LYAR: variants seen among roughly 807,000 people sequenced by gnomAD.
LYAR encodes the protein Ly1 antibody reactive.
A neutral mutation model predicts 45.2 loss-of-function variants in LYAR; 37 were observed. The observed-to-expected ratio is 0.82, with a 90% CI of 0.63 to 1.08. The LOEUF is 1.08. Ranked by LOEUF, LYAR falls within the 50% of genes least tolerant of loss-of-function variation. LYAR has a pLI of 0.00. For synonymous variants in LYAR, 176 were observed against 155.1 expected, an observed-to-expected ratio of 1.14 and a Z score of -1.00; for missense variants, 493 against 451.0, an observed-to-expected ratio of 1.09 and a Z score of -0.84.
intron 4 of LYAR, among the ~76,000 whole-genome samples, chr4:4,280,936 C>T (rs1303156737): frequency 1.3e-5 from 2 of 152,188 alleles, no homozygotes; most frequent in East Asian, 1.9e-4. Context: ...TTTCTGAATC[C>T]TTCCTCCTGC....
rs71597703 is a variant in LYAR at position 4,283,084 on chromosome 4, A to T, written c.122+537T>A. Among the ~76,000 whole-genome samples the T allele has an allele frequency of 2.1e-3, 326 of 152,256 alleles. 2 individuals are homozygous for T. The highest frequency in any genetic ancestry group is 3.4e-3 in the Middle Eastern group (1 of 294). On this transcript the variant is annotated intron_variant, in intron 3 of 9. Transcript: ENST00000343470. ...CACCAACTGACTGAACACTCTAATC[A>T]TCATAATTCCCCTTCCCCTAGTCTT... is the stretch of plus-strand genomic sequence containing the variant.
At position 4,281,797 on chromosome 4, in the gene LYAR, G is replaced by A; in HGVS notation, c.223C>T (p.Gln75Ter). Reference protein sequence around the residue: ...GKTHKGDIKQQAWIQKISELI... With the variant: ...GKTHKGDIKQ ...AGAGACGTTACCTGAATCCACGCCT[G>A]CTGTTTGATGTCGCCTTTGTGGGTT... Residue 75 changes from glutamine to a stop codon, truncating the protein, a stop_gained, in exon 4 of 10, where the codon CAG becomes TAG. Transcript: ENST00000343470. LOFTEE classifies it high-confidence loss of function. 3 of 1,613,678 alleles carry A rather than the reference G, an allele frequency of 1.9e-6. No individual in the cohort carries two copies. The highest frequency in any genetic ancestry group is 2.5e-6 in the Non-Finnish European group (3 of 1,179,564).
At chr4:4,285,528 T>C (rs947975226) in intron 2 of LYAR, among the ~76,000 whole-genome samples, 14 of 152,302 alleles carry the variant, frequency 9.2e-5, no homozygotes, top group African/African-American at 3.4e-4. Context: ...TCAAAGAGCA[T>C]GGAGGTGCAC....
chr4:4,274,284 C>T (rs536340861), intron 7 of LYAR, 83 bp downstream of exon 7: 1 of 1,444,134 alleles, frequency 6.9e-7, no homozygotes, highest in South Asian at 1.4e-5. Context: ...ACACAAAACG[C>T]TAGGTCTAAC....
rs116638773 is a variant in LYAR at position 4,271,326 on chromosome 4, G to A, written c.919+2257C>T. Among the ~76,000 whole-genome samples the A allele has an allele frequency of 4.8e-3, 729 of 152,194 alleles. 5 individuals are homozygous for A. Among genetic ancestry groups the A allele is most frequent in the African/African-American group, 0.016 (669 of 41,536 alleles). The stretch of plus-strand genomic sequence containing the variant: ...CATAATGACTTCCAGTTCCATCCAC[G>A]TTGCTGCAAACGACAGGATCTCATT... On this transcript the variant is annotated intron_variant, in intron 8 of 9. Coordinates refer to ENST00000343470, the MANE Select transcript of LYAR (RefSeq NM_017816.3).
At position 4,273,682 on chromosome 4, in the gene LYAR, A is replaced by G. The variant is rs755970453; in HGVS notation, c.833-13T>C. On this transcript the variant is annotated splice_polypyrimidine_tract_variant and intron_variant, in intron 7 of 9. Transcript: ENST00000343470. ...GAATCTGTTTCAACTAAGTATTTGG[A>G]AAGATTTTTTTTAAAGAAGATTTTG... 2 of 1,561,704 alleles carry G rather than the reference A, an allele frequency of 1.3e-6. No individual in the cohort carries two copies. The highest frequency in any genetic ancestry group is 2.2e-5 in the East Asian group (1 of 44,612).
At position 4,283,811 on chromosome 4, in the gene LYAR, C is replaced by G. The variant is rs1054713118; in HGVS notation, c.-53-16G>C. ...AAGTCTTGTCCTAAGGAAAAAAAGA[C>G]AATTATAATTATAAACTGAAACTTC... On this transcript the variant is annotated splice_polypyrimidine_tract_variant and intron_variant, in intron 2 of 9. Coordinates refer to ENST00000343470, the MANE Select transcript of LYAR (RefSeq NM_017816.3). 2.9e-5 allele frequency: 36 copies of G among 1,258,024 alleles called. No homozygotes were observed. The highest frequency in any genetic ancestry group is 3.6e-5 in the Non-Finnish European group (33 of 922,500). 77.9% of individuals were successfully genotyped at this position (1,258,024 alleles called of 1,614,324 possible). A position where few individuals can be genotyped will look rare whatever the true frequency, so the allele number is the denominator to read the frequency against.
intron 6 of LYAR, among the ~76,000 whole-genome samples, chr4:4,276,730 G>A (rs1178147897): frequency 2.6e-5 from 4 of 151,660 alleles, no homozygotes; most frequent in Non-Finnish European, 5.9e-5. Context: ...GGTGGCAAGC[G>A]CCTGTAATCC....
At chr4:4,272,351 TC>T (rs560507262) in intron 8 of LYAR, among the ~76,000 whole-genome samples, 106 of 152,174 alleles carry the variant, frequency 7.0e-4, no homozygotes, top group African/African-American at 2.4e-3. Flanking sequence ...ATTCCAGTTG[TC>T]CCCCTTGATC....
intron 6 of LYAR, among the ~76,000 whole-genome samples, chr4:4,275,477 T>C (rs968592489): frequency 3.3e-5 from 5 of 151,808 alleles, no homozygotes; most frequent in African/African-American, 1.2e-4. Context: ...TCTTGCTTTG[T>C]TCTGTTGCAC....
Position 4,274,428 on chromosome 4 carries a change from G to A in LYAR, c.771C>T (p.Asp257=), listed in dbSNP as rs1411661516. The A allele has an allele frequency of 1.2e-6, 2 of 1,614,028 alleles. No individual in the cohort carries two copies. Among genetic ancestry groups the A allele is most frequent in the Admixed American group, 1.7e-5 (1 of 60,010 alleles). ...CGCGTGCCTCTTCCTCACTGGCGCT[G>A]TCCTTGCGCTGCTTCTTCTTCTTGC... ...KRSKKKKQRK[D]SASEEEARVG... Residue 257 remains aspartate (D), a synonymous_variant, in exon 7 of 10, where the codon GAC becomes GAT. Coordinates refer to ENST00000343470, the MANE Select transcript of LYAR (RefSeq NM_017816.3).
intron 8 of LYAR, among the ~76,000 whole-genome samples, chr4:4,271,339 AC>A (rs1479094011): frequency 2.6e-5 from 4 of 152,318 alleles, no homozygotes; most frequent in African/African-American, 9.6e-5. Flanking sequence ...GCTGCAAACG[AC>A]AGGATCTCAT....
chr4:4,283,823 T>C (rs2108850455), intron 2 of LYAR, 28 bp from the exon 3 acceptor site: 2 of 1,068,110 alleles, frequency 1.9e-6, no homozygotes, highest in East Asian at 2.6e-5. Context: ...ATTATAATTA[T>C]AAACTGAAAC....
chr4:4,282,441 C>T (rs1344323692), intron 3 of LYAR, among the ~76,000 whole-genome samples: 1 of 152,182 alleles, frequency 6.6e-6, no homozygotes, highest in Non-Finnish European at 1.5e-5. Context: ...AGGTCCAGGG[C>T]AAAGTCCCCT....
intron 3 of LYAR, 85 bp downstream of exon 3, chr4:4,283,536 A>C (rs1719486116): frequency 5.6e-6 from 8 of 1,416,564 alleles, no homozygotes; most frequent in Non-Finnish European, 7.7e-6. Flanking sequence ...CAAATTTGCC[A>C]CTATTTTTCC....
intron 2 of LYAR, among the ~76,000 whole-genome samples, chr4:4,285,573 C>T (rs1202699469): frequency 6.6e-6 from 1 of 152,180 alleles, no homozygotes; most frequent in Non-Finnish European, 1.5e-5. Flanking sequence ...TATTAGTCAC[C>T]AAGAAATAGA....
chr4:4,286,784 T>C (rs1481299693), intron 1 of LYAR, among the ~76,000 whole-genome samples: 3 of 151,936 alleles, frequency 2.0e-5, no homozygotes, highest in Non-Finnish European at 2.9e-5. Context: ...GTAGCTGGGA[T>C]TACAGGCATC....
chr4:4,269,325 T>G lies in LYAR; in HGVS notation c.920-710A>C, dbSNP rs557773517. Among the ~76,000 whole-genome samples the G allele has an allele frequency of 4.6e-3, 705 of 152,204 alleles. 3 individuals carry two copies. Among genetic ancestry groups the G allele is most frequent in the Middle Eastern group, 0.014 (4 of 294 alleles). ...CGGCAGCCTAGCAAGACAGAAAACT[T>G]TTGTATAATAACAACCCTACTGCAG... On this transcript the variant is annotated intron_variant, in intron 8 of 9. Transcript: ENST00000343470.
chr4:4,279,366 C>A, intron 6 of LYAR, 81 bp downstream of exon 6: 1 of 984,584 alleles, frequency 1.0e-6, no homozygotes, highest in Non-Finnish European at 1.6e-6. Context: ...GCTGCCTTGA[C>A]TTCCAAAAAT....
Sources: allele counts gnomAD v4.1 joint callset (sites outside exome capture counted in the v4.1 genomes callset), GRCh38; gene constraint gnomAD v4.1.1; transcripts MANE v1.5; gene names NCBI Gene and HGNC (gene_info 2026-07-23, HGNC 2026-07-21).